CDC42BPA: variants seen among roughly 807,000 people sequenced by gnomAD.
CDC42BPA encodes serine/threonine-protein kinase MRCK alpha.
A neutral mutation model predicts 223.5 loss-of-function variants in CDC42BPA; 80 were observed. That is an observed-to-expected ratio of 0.36 (90% CI 0.30 to 0.43). CDC42BPA has a LOEUF of 0.43. Among genes scored for constraint, CDC42BPA ranks in the 20% least tolerant of loss-of-function variants. The probability of loss-of-function intolerance (pLI) is 1.00; values close to 1 mark genes in which losing one functional copy is unlikely to be tolerated. For missense variants in CDC42BPA, 1,743 were observed against 2,099.9 expected (o/e 0.83, Z 3.32); for synonymous variants, 694 against 718.6 (o/e 0.97, Z 0.55).
intron 6 of CDC42BPA, among the ~76,000 whole-genome samples, chr1:227,150,443 A>C (rs1661522924): frequency 6.6e-6 from 1 of 152,206 alleles, no homozygotes; most frequent in South Asian, 2.1e-4. Flanking sequence ...TTGTACCTTC[A>C]AAGTGATAAG....
chr1:227,211,761 A>G (rs1166566870), intron 3 of CDC42BPA, among the ~76,000 whole-genome samples: 2 of 152,056 alleles, frequency 1.3e-5, no homozygotes. Context: ...TGCAGACTAC[A>G]AAAGGTGGGA....
At chr1:227,095,630 AT>A (rs1683845088) in intron 15 of CDC42BPA, among the ~76,000 whole-genome samples, 1 of 140,066 alleles carries the variant, frequency 7.1e-6, no homozygotes, top group East Asian at 2.1e-4. Context: ...CTCACTCTGT[AT>A]CCCAGGCTGG....
chr1:227,136,598 T>G (rs779643987), intron 10 of CDC42BPA, among the ~76,000 whole-genome samples: 3 of 152,196 alleles, frequency 2.0e-5, no homozygotes, highest in African/African-American at 4.8e-5. Flanking sequence ...TGAATCACAG[T>G]CCAACTATTT....
chr1:227,079,226 C>T (rs1017735229), intron 17 of CDC42BPA, among the ~76,000 whole-genome samples: 1 of 152,148 alleles, frequency 6.6e-6, no homozygotes, highest in African/African-American at 2.4e-5. Flanking sequence ...TGCAAAGTGA[C>T]TTCCTCGTAT....
chr1:227,233,831 G>A (rs1398258234), intron 2 of CDC42BPA, among the ~76,000 whole-genome samples: 1 of 152,124 alleles, frequency 6.6e-6, no homozygotes, highest in Non-Finnish European at 1.5e-5. Context: ...TACTCAGGAG[G>A]CTGAGGCAGG....
At chr1:227,279,910 T>C (rs1687732544) in intron 1 of CDC42BPA, among the ~76,000 whole-genome samples, 1 of 151,946 alleles carries the variant, frequency 6.6e-6, no homozygotes. Context: ...TACAAAAAAT[T>C]AGCCGGATGT....
chr1:227,292,842 G>A (rs1689925697), intron 1 of CDC42BPA, among the ~76,000 whole-genome samples: 1 of 151,868 alleles, frequency 6.6e-6, no homozygotes, highest in Admixed American at 6.6e-5. Context: ...TTGACCTTTG[G>A]CCCATATTTC....
intron 1 of CDC42BPA, among the ~76,000 whole-genome samples, chr1:227,299,777 G>A (rs970455947): frequency 6.6e-6 from 1 of 152,090 alleles, no homozygotes; most frequent in African/African-American, 2.4e-5. Context: ...TTGAGCAACA[G>A]AAGTAGTCAA....
intron 8 of CDC42BPA, among the ~76,000 whole-genome samples, chr1:227,143,977 GAA>G (rs1185869290): frequency 6.6e-6 from 1 of 152,148 alleles, no homozygotes; most frequent in East Asian, 1.9e-4. Context: ...ATTGGTAAGA[GAA>G]GTCAGTTTAA....
intron 24 of CDC42BPA, among the ~76,000 whole-genome samples, chr1:227,036,612 G>A (rs1670310636): frequency 6.6e-6 from 1 of 151,926 alleles, no homozygotes; most frequent in Admixed American, 6.6e-5. Flanking sequence ...TGTATTTTTA[G>A]TAGAGACGGG....
intron 21 of CDC42BPA, among the ~76,000 whole-genome samples, chr1:227,064,893 C>G (rs542271329): frequency 1.3e-5 from 2 of 152,038 alleles, no homozygotes; most frequent in Non-Finnish European, 2.9e-5. Context: ...GTCAGGAGAT[C>G]AAGACCATCC....
At chr1:227,044,022 CTTAATT>C (rs1671914727) in intron 23 of CDC42BPA, among the ~76,000 whole-genome samples, 1 of 152,070 alleles carries the variant, frequency 6.6e-6, no homozygotes, top group African/African-American at 2.4e-5. Flanking sequence ...CGTCATCTTA[CTTAATT>C]TTATCTTGAT....
chr1:227,313,388 AAG>A (rs1290923565), intron 1 of CDC42BPA, among the ~76,000 whole-genome samples: 1 of 152,196 alleles, frequency 6.6e-6, no homozygotes, highest in Non-Finnish European at 1.5e-5. Context: ...TTCTCTTAAA[AAG>A]AGAGAGACAA....
chr1:227,310,334 C>T (rs567696042), intron 1 of CDC42BPA, among the ~76,000 whole-genome samples: 1 of 152,284 alleles, frequency 6.6e-6, no homozygotes, highest in East Asian at 1.9e-4. Flanking sequence ...ATTTCCAGAA[C>T]ACACTTTGAA....
At chr1:227,110,663 T>A (rs1686767042) in intron 14 of CDC42BPA, among the ~76,000 whole-genome samples, 1 of 152,172 alleles carries the variant, frequency 6.6e-6, no homozygotes, top group South Asian at 2.1e-4. Flanking sequence ...AGAATAGTGC[T>A]GGAAACAAAG....
At chr1:227,103,982 A>T (rs1442693937) in intron 14 of CDC42BPA, among the ~76,000 whole-genome samples, 2 of 152,132 alleles carry the variant, frequency 1.3e-5, no homozygotes, top group African/African-American at 2.4e-5. Context: ...CAAGATCAAA[A>T]TTAAGGGATA....
At chr1:227,261,056 A>G (rs1683950826) in intron 1 of CDC42BPA, among the ~76,000 whole-genome samples, 1 of 150,958 alleles carries the variant, frequency 6.6e-6, no homozygotes, top group Non-Finnish European at 1.5e-5. Flanking sequence ...GGTTAAAAAC[A>G]GTATTATTCA....
chr1:227,059,335 G>A (rs1296718131), intron 21 of CDC42BPA: 1 of 1,537,686 alleles, frequency 6.5e-7, no homozygotes, highest in Non-Finnish European at 8.8e-7. Flanking sequence ...GGGGTAAAAG[G>A]CCTCAGGATG....
At chr1:227,227,032 C>T (rs900067109) in intron 2 of CDC42BPA, among the ~76,000 whole-genome samples, 1 of 152,048 alleles carries the variant, frequency 6.6e-6, no homozygotes, top group Admixed American at 6.5e-5. Context: ...ACTCAATGTA[C>T]AGACTCCCAA....
Sources: allele counts gnomAD v4.1 joint callset (sites outside exome capture counted in the v4.1 genomes callset), GRCh38; gene constraint gnomAD v4.1.1; transcripts MANE v1.5; gene names NCBI Gene and HGNC (gene_info 2026-07-23, HGNC 2026-07-21).